NUP133: variants seen among roughly 807,000 people sequenced by gnomAD.
NUP133 encodes nuclear pore complex protein Nup133.
Under a neutral mutation model 146.2 loss-of-function variants are expected in NUP133, and 66 were observed. That is an observed-to-expected ratio of 0.45 (90% confidence interval 0.37 to 0.55). The LOEUF is 0.55. Among genes scored for constraint, NUP133 ranks in the 20% least tolerant of loss-of-function variants. The pLI, the probability that NUP133 is intolerant of heterozygous loss-of-function variation, is 0.00. For synonymous variants in NUP133, 521 were observed against 498.8 expected (o/e 1.04, Z -0.59); for missense variants, 1,277 against 1,374.8 (o/e 0.93, Z 1.12).
At position 229,488,066 on chromosome 1, in the gene NUP133, G is replaced by A. The variant is rs368930576; in HGVS notation, c.1195-453C>T. On this transcript the variant is annotated intron_variant, in intron 9 of 25. Coordinates refer to ENST00000261396, the MANE Select transcript of NUP133 (RefSeq NM_018230.3). ...TCACCATGTTGGCCAGGCTGGTCTT[G>A]AACTCCTGACCTCAGGTGATCCACC... 1.3e-4 allele frequency among the ~76,000 whole-genome samples: 20 copies of A among 151,988 alleles called. No homozygotes were observed. In the East Asian group the frequency reaches 3.9e-3, roughly 29 times the overall value.
intron 9 of NUP133, among the ~76,000 whole-genome samples, chr1:229,487,889 G>A (rs1661402251): frequency 1.4e-5 from 2 of 146,814 alleles, no homozygotes. Context: ...TGTTGCCCAG[G>A]CTGGAGGGTA....
chr1:229,500,270 C>T (rs913910474), intron 4 of NUP133, among the ~76,000 whole-genome samples: 3 of 151,634 alleles, frequency 2.0e-5, no homozygotes, highest in Non-Finnish European at 2.9e-5. Flanking sequence ...ATGGATCATG[C>T]TTTTGGTGAT....
Position 229,458,268 on chromosome 1 carries a change from T to C in NUP133, c.2873A>G (p.Asn958Ser), listed in dbSNP as rs1222414497. The C allele has an allele frequency of 6.2e-7, 1 of 1,613,498 alleles. No individual in the cohort carries two copies. The highest frequency in any genetic ancestry group is 1.7e-5 in the Admixed American group (1 of 59,972). ...CTTTGCAAAGTAACGAGTTTCCATA[T>C]TTGCCAAACCCAGAAGTGTTGCATG... ...KAHATLLGLANMETRYFAKKK... is the reference protein window; with the variant it reads ...KAHATLLGLASMETRYFAKKK... The change falls in exon 21 of 26, where the codon AAT becomes AGT. Residue 958 changes from asparagine (N) to serine (S), a missense_variant. Physicochemically the swap from Asn to Ser is conservative, Grantham distance 46. Around this residue, in one of 3 missense-constraint regions of NUP133, gnomAD observed 952 missense variants for 1,047.0 expected, o/e 0.91. Transcript: ENST00000261396.
chr1:229,495,661 A>C, intron 7 of NUP133, 96 bp from the exon 8 acceptor site: 1 of 971,582 alleles, frequency 1.0e-6, no homozygotes, highest in Non-Finnish European at 1.6e-6. Flanking sequence ...CTTCACCCAT[A>C]ACTCAGTTGC....
chr1:229,476,251 T>G (rs1661073174), intron 13 of NUP133, among the ~76,000 whole-genome samples: 1 of 152,250 alleles, frequency 6.6e-6, no homozygotes, highest in Non-Finnish European at 1.5e-5. Context: ...CTGTATTTAT[T>G]CAAAATGCAA....
chr1:229,501,392 A>G (rs1049919974), intron 3 of NUP133, among the ~76,000 whole-genome samples: 11 of 152,206 alleles, frequency 7.2e-5, no homozygotes, highest in African/African-American at 2.4e-4. Flanking sequence ...AGTAACACAG[A>G]GTTCAGCAGA....
intron 14 of NUP133, among the ~76,000 whole-genome samples, chr1:229,471,844 T>G (rs1485351831): frequency 5.9e-5 from 9 of 152,220 alleles, no homozygotes; most frequent in Non-Finnish European, 2.9e-5. Flanking sequence ...TATATATTGT[T>G]CTGTACCTTG....
chr1:229,465,892 C>CAAAAAAAA (rs71561801), intron 16 of NUP133, among the ~76,000 whole-genome samples: 1 of 77,354 alleles, frequency 1.3e-5, no homozygotes, highest in Admixed American at 1.5e-4. Context: ...CCATGTCTCA[C>CAAAAAAAA]AAAAAAAAAA....
At chr1:229,508,010 G>C (rs1217877132) in intron 1 of NUP133, 58 bp downstream of exon 1, 2 of 1,399,186 alleles carry the variant, frequency 1.4e-6, no homozygotes, top group African/African-American at 1.5e-5. Flanking sequence ...CAACCTATCC[G>C]GCCCACTGCG....
chr1:229,458,563 A>G (rs10916480), intron 20 of NUP133, among the ~76,000 whole-genome samples: 29,740 of 152,116 alleles, frequency 0.2, 3,535 homozygotes, highest in East Asian at 0.53. Context: ...CATCCTGTCA[A>G]GAACAAATTT....
chr1:229,445,864 T>C (rs1406483242), intron 24 of NUP133, among the ~76,000 whole-genome samples: 1 of 152,218 alleles, frequency 6.6e-6, no homozygotes, highest in East Asian at 1.9e-4. Flanking sequence ...TTAACTATTT[T>C]GGAATGATCA....
chr1:229,443,529 G>A (rs966459480), intron 25 of NUP133, among the ~76,000 whole-genome samples: 2 of 152,058 alleles, frequency 1.3e-5, no homozygotes, highest in African/African-American at 4.8e-5. Context: ...TGAAGTAGCT[G>A]TTGCACTGTC....
rs570315552 is a variant in NUP133, at chr1:229,497,601, C to T, written c.819+535G>A. ...TTCAGCCTTGCTGAGGGTGCTTCCT[C>T]ATCTGTAAACTGGCGGGAAAGCATG... On this transcript the variant is annotated intron_variant, in intron 6 of 25. Coordinates refer to ENST00000261396, the MANE Select transcript of NUP133 (RefSeq NM_018230.3). Among the ~76,000 whole-genome samples, 3 of 152,314 alleles carry T rather than the reference C, an allele frequency of 2.0e-5. No individual in the cohort carries two copies. The Middle Eastern group carries it at 0.01, about 518-fold the overall frequency.
intron 8 of NUP133, among the ~76,000 whole-genome samples, chr1:229,494,119 G>C (rs1661592397): frequency 6.6e-6 from 1 of 151,758 alleles, no homozygotes; most frequent in Non-Finnish European, 1.5e-5. Context: ...GACAGAGTGA[G>C]ACTCAGTCTC....
rs201857748 is a variant in NUP133 at position 229,441,888 on chromosome 1, C to T, written c.*16G>A. ...CTTATACAGATTTCATAAACAATGG[C>T]CATTTTTAGAAAAAGTTATATTTGT... On this transcript the variant is annotated 3_prime_UTR_variant, in exon 26 of 26. Coordinates refer to ENST00000261396, the MANE Select transcript of NUP133 (RefSeq NM_018230.3). The T allele has an allele frequency of 6.7e-5, 103 of 1,548,550 alleles. No homozygotes were observed. In the African/African-American group the frequency reaches 1.2e-3, roughly 19 times the overall value.
In NUP133 at chr1:229,464,843, T is replaced by C. The variant is rs1253348681; in HGVS notation, c.2332A>G (p.Ile778Val). The change falls in exon 18 of 26, where the codon ATA becomes GTA. Residue 778 changes from isoleucine (I) to valine (V), a missense_variant. By Grantham distance (29) the Ile-to-Val change is conservative. Transcript: ENST00000261396. The part of the protein sequence containing the change: ...TSGPGGIRTV[I>V]IRQHEIVLKV... Reference sequence around the variant, plus strand: ...AGGACAATCTCATGCTGGCGTATTATTACCGTTCGGATGCCACCAGGACCA... The same window carrying C: ...AGGACAATCTCATGCTGGCGTATTACTACCGTTCGGATGCCACCAGGACCA... The C allele has an allele frequency of 1.2e-5, 19 of 1,614,074 alleles. No individual in the cohort carries two copies. Among genetic ancestry groups the C allele is most frequent in the Middle Eastern group, 1.6e-4 (1 of 6,084 alleles).
chr1:229,470,507 G>T, intron 15 of NUP133, 73 bp downstream of exon 15: 3 of 1,247,048 alleles, frequency 2.4e-6, no homozygotes, highest in South Asian at 1.2e-5. Context: ...CGTCCTCACC[G>T]TCTTTCCTGC....
At chr1:229,443,961 G>C (rs972084684) in intron 25 of NUP133, among the ~76,000 whole-genome samples, 1 of 136,978 alleles carries the variant, frequency 7.3e-6, no homozygotes, top group African/African-American at 2.8e-5. Context: ...AGCTGGTCTT[G>C]AACTACTGGG....
chr1:229,465,211 A>G (rs1028965414), intron 17 of NUP133, among the ~76,000 whole-genome samples: 4 of 152,332 alleles, frequency 2.6e-5, no homozygotes, highest in South Asian at 4.1e-4. Flanking sequence ...TAGTAAATGC[A>G]TAAGTACCAG....
Sources: gnomAD v4.1 joint callset for allele counts (sites outside exome capture counted in the v4.1 genomes callset) on GRCh38, gnomAD v4.1.1 for gene constraint, gnomAD v4.1.1 regional missense constraint, MANE v1.5 for transcripts, NCBI Gene and HGNC (gene_info 2026-07-23, HGNC 2026-07-21) for gene names.